ATP8A2: variants seen among roughly 807,000 people sequenced by gnomAD.
The protein encoded by ATP8A2 is phospholipid-transporting ATPase IB.
ATP8A2 carries 100 observed loss-of-function variants against 165.6 expected under a neutral mutation model. That is an observed-to-expected ratio of 0.60 (90% CI 0.51 to 0.71). ATP8A2 has a LOEUF of 0.71. Among genes scored for constraint, ATP8A2 ranks in the 30% least tolerant of loss-of-function variants. ATP8A2 has a pLI of 0.00. For synonymous variants in ATP8A2, 543 were observed against 548.8 expected, an observed-to-expected ratio of 0.99 and a Z score of 0.15; for missense variants, 1,227 against 1,479.5, an observed-to-expected ratio of 0.83 and a Z score of 2.80.
intron 21 of ATP8A2, 66 bp downstream of exon 21, chr13:25,578,965 T>C: frequency 1.8e-6 from 2 of 1,082,698 alleles, no homozygotes; most frequent in Non-Finnish European, 2.9e-6. Context: ...GTTGTCTTGA[T>C]TTCCAGGGGC....
At chr13:25,680,620 A>C (rs2042465646) in intron 24 of ATP8A2, among the ~76,000 whole-genome samples, 1 of 152,158 alleles carries the variant, frequency 6.6e-6, no homozygotes, top group Admixed American at 6.5e-5. Context: ...AATTTGGAGA[A>C]CAACATGGAG....
chr13:26,009,679 A>G (rs1233702781), intron 35 of ATP8A2, among the ~76,000 whole-genome samples: 3 of 152,020 alleles, frequency 2.0e-5, no homozygotes, highest in Non-Finnish European at 4.4e-5. Flanking sequence ...GGGAGGGTGT[A>G]CCTCCTTGGC....
intron 2 of ATP8A2, among the ~76,000 whole-genome samples, chr13:25,520,501 G>A (rs1389854758): frequency 1.3e-5 from 2 of 152,086 alleles, no homozygotes; most frequent in Non-Finnish European, 2.9e-5. Flanking sequence ...TGACAGTGCA[G>A]ACAGATATCT....
chr13:25,638,672 A>G (rs2041434015), intron 24 of ATP8A2, among the ~76,000 whole-genome samples: 1 of 152,172 alleles, frequency 6.6e-6, no homozygotes, highest in Admixed American at 6.5e-5. Context: ...ACCAAGTTGG[A>G]AAACACTCTG....
intron 33 of ATP8A2, among the ~76,000 whole-genome samples, chr13:25,959,569 C>T (rs1955608700): frequency 6.6e-6 from 1 of 152,210 alleles, no homozygotes; most frequent in African/African-American, 2.4e-5. Context: ...GTGACACCTT[C>T]AAGTTTAATT....
At position 25,468,959 on chromosome 13, in the gene ATP8A2, T is replaced by G. The variant is rs199807614; in HGVS notation, c.77-18T>G. 2.8e-3 allele frequency: 4,535 copies of G among 1,613,054 alleles called. 9 individuals carry two copies. The highest frequency in any genetic ancestry group is 3.4e-3 in the Non-Finnish European group (4,037 of 1,179,292). ...ACTTCTTTGTGTCGTATTCTCTGCCTGCGCCCTGTCTCTGCAGGACCTGTT... is the reference window on the plus strand; with the variant it reads ...ACTTCTTTGTGTCGTATTCTCTGCCGGCGCCCTGTCTCTGCAGGACCTGTT... On this transcript the variant is annotated intron_variant, in intron 1 of 36. Coordinates refer to ENST00000381655, the MANE Select transcript of ATP8A2 (RefSeq NM_016529.6).
At chr13:25,499,442 G>A (rs561291567) in intron 2 of ATP8A2, among the ~76,000 whole-genome samples, 1 of 152,350 alleles carries the variant, frequency 6.6e-6, no homozygotes, top group South Asian at 2.1e-4. Flanking sequence ...GTGTTGTCAT[G>A]TTTGGGGGGT....
At chr13:25,450,286 C>T (rs1015036076) in intron 1 of ATP8A2, among the ~76,000 whole-genome samples, 9 of 152,104 alleles carry the variant, frequency 5.9e-5, no homozygotes, top group South Asian at 2.1e-4. Flanking sequence ...AATGAACATG[C>T]GTGCATGTGT....
At chr13:25,876,867 A>G (rs1307784948) in intron 33 of ATP8A2, among the ~76,000 whole-genome samples, 3 of 152,200 alleles carry the variant, frequency 2.0e-5, no homozygotes, top group South Asian at 4.1e-4. Context: ...ATAGTTTTCT[A>G]TAATATAAAC....
intron 1 of ATP8A2, among the ~76,000 whole-genome samples, chr13:25,402,685 G>A (rs957894860): frequency 6.6e-6 from 1 of 152,208 alleles, no homozygotes; most frequent in South Asian, 2.1e-4. Context: ...ACAGTATTAA[G>A]AGGTGGGGTA....
chr13:25,494,463 C>T (rs2036614688), intron 2 of ATP8A2, among the ~76,000 whole-genome samples: 1 of 152,030 alleles, frequency 6.6e-6, no homozygotes, highest in Non-Finnish European at 1.5e-5. Flanking sequence ...AGCCATGCTG[C>T]AAAGGGTATG....
chr13:25,928,328 G>T (rs1276471895), intron 33 of ATP8A2, among the ~76,000 whole-genome samples: 2 of 152,172 alleles, frequency 1.3e-5, no homozygotes, highest in Non-Finnish European at 2.9e-5. Context: ...GAATATAGAG[G>T]AATCATTTAT....
intron 33 of ATP8A2, among the ~76,000 whole-genome samples, chr13:25,928,419 A>G (rs964575913): frequency 6.6e-6 from 1 of 152,182 alleles, no homozygotes; most frequent in Non-Finnish European, 1.5e-5. Flanking sequence ...TTGAGCCTGT[A>G]TTGATTTTCA....
chr13:25,677,932 C>T (rs879832052), intron 24 of ATP8A2, among the ~76,000 whole-genome samples: 2 of 151,390 alleles, frequency 1.3e-5, no homozygotes, highest in South Asian at 2.1e-4. Context: ...TGATCTGGTG[C>T]GAATGAGAGG....
intron 25 of ATP8A2, among the ~76,000 whole-genome samples, chr13:25,743,349 C>T (rs997311912): frequency 3.3e-5 from 5 of 152,132 alleles, no homozygotes; most frequent in Non-Finnish European, 5.9e-5. Flanking sequence ...TCTACACCTC[C>T]GGCTTTCAGA....
chr13:25,571,636 A>G lies in ATP8A2; in HGVS notation c.1606A>G (p.Lys536Glu), dbSNP rs1487414760. 1 of 1,613,928 alleles carries G rather than the reference A, an allele frequency of 6.2e-7. No homozygotes were observed. Among genetic ancestry groups the G allele is most frequent in the South Asian group, 1.1e-5 (1 of 91,074 alleles). Residue 536 changes from lysine to glutamate, a missense_variant, in exon 18 of 37, where the codon AAA (lysine) becomes GAA (glutamate). Physicochemically the swap from Lys to Glu is moderately conservative, Grantham distance 56 (BLOSUM62 1). Coordinates refer to ENST00000381655, the MANE Select transcript of ATP8A2 (RefSeq NM_016529.6). ...TGAAGCTGCTTTGGTGAAAGGAGCT[A>G]AAAAGCTGGGCTTTGTCTTCACAGC... ...PDEAALVKGA[K>E]KLGFVFTART...
At chr13:25,889,035 A>G (rs1593509078) in intron 33 of ATP8A2, among the ~76,000 whole-genome samples, 1 of 152,026 alleles carries the variant, frequency 6.6e-6, no homozygotes, top group East Asian at 1.9e-4. Flanking sequence ...GCCAAGAAGC[A>G]AACAATGTGA....
intron 33 of ATP8A2, among the ~76,000 whole-genome samples, chr13:25,907,571 A>G (rs1473385285): frequency 1.3e-5 from 2 of 152,166 alleles, no homozygotes; most frequent in Non-Finnish European, 2.9e-5. Context: ...ATTTCGTAAT[A>G]TCTATGATGG....
At chr13:25,467,799 C>T (rs181339310) in intron 1 of ATP8A2, among the ~76,000 whole-genome samples, 82 of 152,316 alleles carry the variant, frequency 5.4e-4, no homozygotes, top group African/African-American at 1.9e-3. Flanking sequence ...GATCCGCCCG[C>T]TTCGGCCTCC....
Sources: gnomAD v4.1 joint callset for allele counts (sites outside exome capture counted in the v4.1 genomes callset) on GRCh38, gnomAD v4.1.1 for gene constraint, MANE v1.5 for transcripts, NCBI Gene and HGNC (gene_info 2026-07-23, HGNC 2026-07-21) for gene names.